Variants in RYR2 observed in about 807,000 individuals in gnomAD.
RYR2 encodes the protein cardiac muscle ryanodine receptor-calcium release channel.
Under a neutral mutation model 601.1 loss-of-function variants are expected in RYR2, and 227 were observed. The ratio of observed to expected loss-of-function variants is 0.38; its 90% CI spans 0.34 to 0.42. RYR2 has a LOEUF of 0.42. Ranked by LOEUF, RYR2 falls within the 10% of genes least tolerant of loss-of-function variation. The probability of loss-of-function intolerance (pLI) is 1.00; values close to 1 mark genes in which losing one functional copy is unlikely to be tolerated. For synonymous variants in RYR2, 2,223 were observed against 2,175.1 expected, an observed-to-expected ratio of 1.02 and a Z score of -0.61; for missense variants, 4,646 against 6,156.5, an observed-to-expected ratio of 0.75 and a Z score of 8.21.
intron 24 of RYR2, among the ~76,000 whole-genome samples, chr1:237,523,425 C>T (rs967523330): frequency 6.6e-6 from 1 of 152,076 alleles, no homozygotes; most frequent in Non-Finnish European, 1.5e-5. Context: ...TAAGAATACA[C>T]AAAACCTGAT....
intron 98 of RYR2, among the ~76,000 whole-genome samples, chr1:237,804,642 AC>A (rs1243061227): frequency 1.3e-5 from 2 of 152,142 alleles, no homozygotes; most frequent in Non-Finnish European, 2.9e-5. Flanking sequence ...ATTAATTATA[AC>A]CCAGGAGACT....
chr1:237,240,736 A>C (rs887568374), intron 1 of RYR2, among the ~76,000 whole-genome samples: 58 of 148,284 alleles, frequency 3.9e-4, no homozygotes, highest in Middle Eastern at 3.6e-3. Context: ...TTGTTTGCTA[A>C]ATTGGGATAA....
intron 97 of RYR2, among the ~76,000 whole-genome samples, chr1:237,798,436 T>C (rs1659537407): frequency 6.6e-6 from 1 of 152,084 alleles, no homozygotes; most frequent in Admixed American, 6.5e-5. Context: ...TAATTTGCCT[T>C]TTCTGTCTTT....
chr1:237,421,196 G>A (rs887928639), intron 11 of RYR2, among the ~76,000 whole-genome samples: 2 of 152,154 alleles, frequency 1.3e-5, no homozygotes, highest in African/African-American at 4.8e-5. Flanking sequence ...CCAAGATCGC[G>A]CCACTGTACT....
intron 4 of RYR2, 39 bp downstream of exon 4, chr1:237,356,024 A>G (rs1359852486): frequency 1.3e-6 from 2 of 1,582,106 alleles, no homozygotes; most frequent in Non-Finnish European, 8.6e-7. Context: ...ATTGTGATCT[A>G]AAAGTGCATG....
chr1:237,737,633 A>G (rs779651870), intron 79 of RYR2, among the ~76,000 whole-genome samples: 1 of 152,210 alleles, frequency 6.6e-6, no homozygotes, highest in African/African-American at 2.4e-5. Context: ...AAATCTTTCT[A>G]ACATTTGATT....
At chr1:237,117,547 TAGG>T (rs1670209604) in intron 1 of RYR2, among the ~76,000 whole-genome samples, 1 of 152,178 alleles carries the variant, frequency 6.6e-6, no homozygotes. Context: ...TGGCCATCAT[TAGG>T]AGGAGTTAGA....
At chr1:237,494,190 G>A (rs533804121) in intron 19 of RYR2, among the ~76,000 whole-genome samples, 34 of 152,204 alleles carry the variant, frequency 2.2e-4, no homozygotes, top group African/African-American at 3.4e-4. Context: ...ACAAAAAGCC[G>A]TCTGCAAGCT....
rs556728857 is a variant in RYR2 at position 237,827,363 on chromosome 1, C to G, written c.14591-1018C>G. ...AAAAAAGTGATTTGGGGCCTGGCAC[C>G]ATGGCTCATGCCTGTAATCCTACCA... is the stretch of plus-strand genomic sequence containing the variant. On this transcript the variant is annotated intron_variant, in intron 101 of 104. Coordinates refer to ENST00000366574, the MANE Select transcript of RYR2 (RefSeq NM_001035.3). Among the ~76,000 whole-genome samples, 7 of 152,246 alleles carry G rather than the reference C, an allele frequency of 4.6e-5. No homozygotes were observed. In the South Asian group the frequency reaches 1.5e-3, roughly 32 times the overall value.
chr1:237,294,059 A>G (rs1422825592), intron 2 of RYR2, among the ~76,000 whole-genome samples: 1 of 152,148 alleles, frequency 6.6e-6, no homozygotes, highest in Non-Finnish European at 1.5e-5. Flanking sequence ...ACAAAAAAGG[A>G]TATTTTTACC....
chr1:237,123,888 C>T (rs943667969), intron 1 of RYR2, among the ~76,000 whole-genome samples: 1 of 151,910 alleles, frequency 6.6e-6, no homozygotes, highest in Admixed American at 6.6e-5. Context: ...AGGATGGTCT[C>T]GATCTCCTGA....
intron 1 of RYR2, among the ~76,000 whole-genome samples, chr1:237,236,313 CTT>C (rs1269225478): frequency 6.8e-6 from 1 of 147,988 alleles, no homozygotes; most frequent in Non-Finnish European, 1.5e-5. Context: ...GGTTTGAACT[CTT>C]TTTATTTGCA....
chr1:237,141,162 G>T (rs1299888901), intron 1 of RYR2, among the ~76,000 whole-genome samples: 1 of 152,126 alleles, frequency 6.6e-6, no homozygotes, highest in Admixed American at 6.5e-5. Context: ...TTTCTTGTCT[G>T]GCTGTAGCTG....
chr1:237,747,281 C>G (rs1229148301), intron 80 of RYR2, among the ~76,000 whole-genome samples: 13 of 152,154 alleles, frequency 8.5e-5, no homozygotes, highest in Non-Finnish European at 1.5e-4. Flanking sequence ...TCTGATGAGT[C>G]TGAGGTCCTA....
chr1:237,265,511 G>A (rs1343866662), intron 1 of RYR2, among the ~76,000 whole-genome samples: 1 of 151,948 alleles, frequency 6.6e-6, no homozygotes, highest in African/African-American at 2.4e-5. Flanking sequence ...TAGTAGAGAT[G>A]GGGTTTCACC....
intron 24 of RYR2, among the ~76,000 whole-genome samples, chr1:237,530,111 A>G (rs538173870): frequency 6.6e-6 from 1 of 152,044 alleles, no homozygotes; most frequent in Admixed American, 6.6e-5. Flanking sequence ...GGAGATCGAG[A>G]CCATCCTGGC....
intron 56 of RYR2, among the ~76,000 whole-genome samples, chr1:237,664,929 G>T (rs1185362026): frequency 6.6e-6 from 1 of 152,152 alleles, no homozygotes; most frequent in African/African-American, 2.4e-5. Flanking sequence ...TGGGAACTAT[G>T]GTGTTGATAG....
At chr1:237,764,098 C>T (rs548983554) in intron 84 of RYR2, among the ~76,000 whole-genome samples, 276 of 152,262 alleles carry the variant, frequency 1.8e-3, no homozygotes, top group Non-Finnish European at 2.8e-3. Context: ...TTCCTAATGA[C>T]GACAATATGA....
chr1:237,118,082 G>C (rs1670339027), intron 1 of RYR2, among the ~76,000 whole-genome samples: 1 of 152,060 alleles, frequency 6.6e-6, no homozygotes, highest in Non-Finnish European at 1.5e-5. Context: ...CAAACTTTGT[G>C]GTTTTGCAAC....
Sources: allele counts gnomAD v4.1 joint callset (sites outside exome capture counted in the v4.1 genomes callset), GRCh38; gene constraint gnomAD v4.1.1; transcripts MANE v1.5; gene names NCBI Gene and HGNC (gene_info 2026-07-23, HGNC 2026-07-21).